The following LIPA variants were observed in gnomAD, a reference collection of about 807,000 sequenced individuals.
LIPA encodes the protein lysosomal acid lipase/cholesteryl ester hydrolase.
LIPA carries 26 observed loss-of-function variants against 40.6 expected under a neutral mutation model. The observed-to-expected ratio is 0.64, with a 90% confidence interval of 0.47 to 0.89. The LOEUF (loss-of-function observed/expected upper bound fraction) is 0.89. Among genes scored for constraint, LIPA ranks in the 40% least tolerant of loss-of-function variants. The probability of loss-of-function intolerance (pLI) is 0.00; values close to 1 mark genes in which losing one functional copy is unlikely to be tolerated. For missense variants in LIPA, 455 were observed against 479.6 expected, an observed-to-expected ratio of 0.95 and a Z score of 0.48; for synonymous variants, 188 against 168.4, an observed-to-expected ratio of 1.12 and a Z score of -0.90.
intron 1 of LIPA, among the ~76,000 whole-genome samples, chr10:89,261,741 T>C (rs1843210589): frequency 6.6e-6 from 1 of 152,140 alleles, no homozygotes; most frequent in South Asian, 2.1e-4. Flanking sequence ...GGTTTATTCT[T>C]ATTCTTCCTT....
chr10:89,305,094 G>C (rs572474194), intron 1 of LIPA, among the ~76,000 whole-genome samples: 15 of 151,896 alleles, frequency 9.9e-5, no homozygotes, highest in Admixed American at 4.6e-4. Context: ...TAGAGGTATG[G>C]GGGGGAGGGG....
chr10:89,321,817 C>G (rs1043253045), intron 1 of LIPA, among the ~76,000 whole-genome samples: 8 of 152,194 alleles, frequency 5.3e-5, no homozygotes, highest in Admixed American at 1.3e-4. Flanking sequence ...TTGGAACCAA[C>G]CCAAATGTCC....
At chr10:89,293,773 T>A (rs1843392318) in intron 1 of LIPA, 1 of 151,852 alleles carries the variant, frequency 6.6e-6, no homozygotes, top group Admixed American at 6.6e-5. Flanking sequence ...GTTACCAGAT[T>A]AGGGGTTACC....
intron 1 of LIPA, among the ~76,000 whole-genome samples, chr10:89,277,327 G>A (rs549223543): frequency 3.3e-5 from 5 of 152,180 alleles, no homozygotes; most frequent in South Asian, 4.1e-4. Flanking sequence ...CTGCTTTCTC[G>A]TATTTAAAAA....
intron 1 of LIPA, among the ~76,000 whole-genome samples, chr10:89,281,664 C>T (rs932854835): frequency 3.9e-5 from 6 of 152,250 alleles, no homozygotes; most frequent in Non-Finnish European, 7.3e-5. Context: ...ACCAAACAAA[C>T]ACTTCGCTAC....
upstream of LIPA, among the ~76,000 whole-genome samples, chr10:89,252,608 G>A (rs1219037567): frequency 6.6e-6 from 1 of 152,174 alleles, no homozygotes; most frequent in Non-Finnish European, 1.5e-5. Flanking sequence ...AGGAGTTCAG[G>A]ACCAGCCTGG....
chr10:89,365,515 A>C (rs1279630159), intron 2 of LIPA, among the ~76,000 whole-genome samples: 8 of 152,256 alleles, frequency 5.3e-5, no homozygotes, highest in Non-Finnish European at 1.2e-4. Flanking sequence ...TTAGACATGA[A>C]ATCCTTGCCC....
In LIPA at chr10:89,227,681, G is replaced by A. The variant is rs139466988; in HGVS notation, c.428+519C>T. ...CAGTTCATACAAGGTGCCAGGTTCT[G>A]TGGAGGTTCCTTCTCTGCACCCTCT... On this transcript the variant is annotated intron_variant, in intron 4 of 9. Transcript: ENST00000336233. 7.4e-3 allele frequency among the ~76,000 whole-genome samples: 1,133 copies of A among 152,298 alleles called. 19 individuals are homozygous for A. Among genetic ancestry groups the A allele is most frequent in the African/African-American group, 0.026 (1,062 of 41,554 alleles).
rs566197051 is a variant in LIPA at position 89,244,229 on chromosome 10, G to C, written c.229+1447C>G. ...TAAACATTATTAAAATCTTATTACA[G>C]CTAGAACACATGGAAGAAAAAAGTT... On this transcript the variant is annotated intron_variant, in intron 3 of 9. Coordinates refer to ENST00000336233, the MANE Select transcript of LIPA (RefSeq NM_000235.4). Among the ~76,000 whole-genome samples the C allele has an allele frequency of 7.9e-5, 12 of 152,164 alleles. No homozygotes were observed. In the South Asian group the frequency reaches 1.0e-3, roughly 13 times the overall value.
chr10:89,215,885 C>T, intron 9 of LIPA, 53 bp downstream of exon 9: 1 of 1,182,054 alleles, frequency 8.5e-7, no homozygotes, highest in Non-Finnish European at 1.3e-6. Context: ...GCCAGGCTGG[C>T]TTTCTTGATG....
intron 3 of LIPA, among the ~76,000 whole-genome samples, chr10:89,234,215 G>T (rs1413136631): frequency 1.3e-5 from 2 of 152,236 alleles, no homozygotes; most frequent in Admixed American, 6.5e-5. Context: ...GATGGGACCA[G>T]TGTGCACATG....
In LIPA at chr10:89,292,776, G is replaced by A. The variant is rs922629591; in HGVS notation, c.-1-45127C>T. On this transcript the variant is annotated intron_variant, in intron 1 of 5. Transcript: ENST00000282673. Reference sequence around the variant, plus strand: ...TGGGCTAAAGCAATCCTCCTGGGTAGCTAGGACGACAGGCTCATGCCACCA... The same window carrying A: ...TGGGCTAAAGCAATCCTCCTGGGTAACTAGGACGACAGGCTCATGCCACCA... 1.7e-4 allele frequency among the ~76,000 whole-genome samples: 26 copies of A among 151,846 alleles called. No homozygotes were observed. In the East Asian group the frequency reaches 4.8e-3, roughly 28 times the overall value.
At chr10:89,319,880 A>C (rs1281777658) in intron 1 of LIPA, among the ~76,000 whole-genome samples, 2 of 152,226 alleles carry the variant, frequency 1.3e-5, no homozygotes, top group African/African-American at 4.8e-5. Context: ...TGATCAAGTT[A>C]GCTTCATCAC....
rs760253880 is a variant in LIPA, at chr10:89,339,947, T to C, written c.-2+2664A>G. On this transcript the variant is annotated intron_variant, in intron 1 of 5. Coordinates refer to the LIPA transcript ENST00000282673. ...TTAATTCATAAGCAGAATGGAGATC[T>C]GCTGCAAGCAGCCAAATGTTATGAG... 6.2e-7 allele frequency: 1 copy of C among 1,614,232 alleles called. No individual in the cohort carries two copies. Among genetic ancestry groups the C allele is most frequent in the East Asian group, 2.2e-5 (1 of 44,890 alleles).
At chr10:89,240,071 C>A (rs1254009866) in intron 3 of LIPA, among the ~76,000 whole-genome samples, 1 of 152,176 alleles carries the variant, frequency 6.6e-6, no homozygotes, top group Non-Finnish European at 1.5e-5. Flanking sequence ...GCAGAGGGTC[C>A]ACAGAAGAAA....
chr10:89,276,287 G>A (rs1001102379), intron 1 of LIPA, among the ~76,000 whole-genome samples: 1 of 152,238 alleles, frequency 6.6e-6, no homozygotes, highest in Non-Finnish European at 1.5e-5. Flanking sequence ...TAGGTTTGAA[G>A]CAAAGATCTT....
At chr10:89,410,566 C>T (rs1263426658) in intron 2 of LIPA, among the ~76,000 whole-genome samples, 1 of 152,226 alleles carries the variant, frequency 6.6e-6, no homozygotes, top group East Asian at 1.9e-4. Flanking sequence ...CCTCTTCCCC[C>T]AGGGACCAGC....
chr10:89,214,809 C>A lies in LIPA; in HGVS notation c.*19G>T, dbSNP rs200864335. ...TGACATAATCATTGACTTGGTGGTA[C>A]ACAGCTCAAGTCCAGCTTTCACTGA... is the stretch of plus-strand genomic sequence containing the variant. On this transcript the variant is annotated 3_prime_UTR_variant, in exon 10 of 10. Coordinates refer to ENST00000336233, the MANE Select transcript of LIPA (RefSeq NM_000235.4). 146 of 1,382,282 alleles carry A rather than the reference C, an allele frequency of 1.1e-4. 2 individuals carry two copies. In the East Asian group the frequency reaches 3.3e-3, roughly 31 times the overall value. The allele number at this position is 1,382,282 out of a possible 1,614,324, so 85.6% of individuals were successfully genotyped here. A position where few individuals can be genotyped will look rare whatever the true frequency, so the allele number is the denominator to read the frequency against.
intron 1 of LIPA, chr10:89,278,061 C>T (rs1467059040): frequency 6.6e-6 from 1 of 152,122 alleles, no homozygotes; most frequent in East Asian, 1.9e-4. Flanking sequence ...TCTTTTTGAT[C>T]AGATTATGCT....
Sources: allele counts gnomAD v4.1 joint callset (sites outside exome capture counted in the v4.1 genomes callset), GRCh38; gene constraint gnomAD v4.1.1; transcripts MANE v1.5; gene names NCBI Gene and HGNC (gene_info 2026-07-23, HGNC 2026-07-21).